The following CTNNA3 variants were observed in gnomAD, a reference collection of about 807,000 sequenced individuals.
CTNNA3 encodes the protein catenin alpha-3.
A neutral mutation model predicts 95.7 loss-of-function variants in CTNNA3; 76 were observed. The ratio of observed to expected loss-of-function variants is 0.79; its 90% CI spans 0.66 to 0.96. The LOEUF is 0.96. Among genes scored for constraint, CTNNA3 ranks in the 40% least tolerant of loss-of-function variants. The pLI, the probability that CTNNA3 is intolerant of heterozygous loss-of-function variation, is 0.00. For missense variants in CTNNA3, 1,191 were observed against 1,089.8 expected, an observed-to-expected ratio of 1.09 and a Z score of -1.31; for synonymous variants, 431 against 374.4, an observed-to-expected ratio of 1.15 and a Z score of -1.74.
chr10:67,183,553 G>C (rs192834126), intron 6 of CTNNA3, among the ~76,000 whole-genome samples: 11,441 of 151,872 alleles, frequency 0.075, 502 homozygotes, highest in African/African-American at 0.15. Flanking sequence ...GTGGGAGGAG[G>C]GGGGAGGGAT....
intron 17 of CTNNA3, among the ~76,000 whole-genome samples, chr10:65,939,282 TA>T (rs2077391421): frequency 6.6e-6 from 1 of 152,210 alleles, no homozygotes; most frequent in African/African-American, 2.4e-5. Flanking sequence ...TTTTCCTAGT[TA>T]CTTAATGTTT....
intron 11 of CTNNA3, among the ~76,000 whole-genome samples, chr10:66,391,237 C>G (rs1251500208): frequency 1.3e-5 from 2 of 151,910 alleles, no homozygotes; most frequent in African/African-American, 4.8e-5. Flanking sequence ...TTGCTATTTA[C>G]AAGCCAATTA....
chr10:67,630,198 T>A (rs1174942355), intron 2 of CTNNA3, among the ~76,000 whole-genome samples: 1 of 152,162 alleles, frequency 6.6e-6, no homozygotes, highest in Non-Finnish European at 1.5e-5. Flanking sequence ...GGGAATGTAA[T>A]AGTTATTAAG....
intron 5 of CTNNA3, among the ~76,000 whole-genome samples, chr10:67,437,242 G>A (rs1010561532): frequency 3.9e-5 from 6 of 152,166 alleles, no homozygotes; most frequent in Admixed American, 3.9e-4. Context: ...AACATCATAT[G>A]TTCTCACTGA....
At chr10:66,560,780 G>T (rs1489674054) in intron 10 of CTNNA3, among the ~76,000 whole-genome samples, 1 of 151,856 alleles carries the variant, frequency 6.6e-6, no homozygotes, top group African/African-American at 2.4e-5. Flanking sequence ...GCATGAGGTT[G>T]GAGCCCTCAT....
At chr10:66,849,063 G>A (rs933037566) in intron 7 of CTNNA3, among the ~76,000 whole-genome samples, 2 of 152,156 alleles carry the variant, frequency 1.3e-5, no homozygotes, top group Non-Finnish European at 2.9e-5. Flanking sequence ...TTAAGGTCCT[G>A]CCATCTGTTC....
chr10:66,843,676 T>A (rs1429138228), intron 7 of CTNNA3, among the ~76,000 whole-genome samples: 2 of 152,146 alleles, frequency 1.3e-5, no homozygotes, highest in Non-Finnish European at 2.9e-5. Context: ...TTTGGGCATG[T>A]TTTTCAAATG....
chr10:67,217,640 T>C (rs1046911440), intron 6 of CTNNA3, among the ~76,000 whole-genome samples: 1 of 152,164 alleles, frequency 6.6e-6, no homozygotes, highest in African/African-American at 2.4e-5. Context: ...CCTGTGGCAG[T>C]CACTTTCAAC....
At chr10:66,444,972 G>C (rs1159817441) in intron 11 of CTNNA3, among the ~76,000 whole-genome samples, 1 of 151,986 alleles carries the variant, frequency 6.6e-6, no homozygotes, top group Non-Finnish European at 1.5e-5. Context: ...TAAAAGGATG[G>C]AGGAAGATCT....
At chr10:66,563,911 T>G (rs1326373430) in intron 10 of CTNNA3, among the ~76,000 whole-genome samples, 1 of 152,072 alleles carries the variant, frequency 6.6e-6, no homozygotes, top group Admixed American at 6.6e-5. Flanking sequence ...CCTCCCCACT[T>G]TGAGTTATCC....
At chr10:67,151,222 C>T (rs936009241) in intron 7 of CTNNA3, among the ~76,000 whole-genome samples, 2 of 152,002 alleles carry the variant, frequency 1.3e-5, no homozygotes, top group Non-Finnish European at 2.9e-5. Flanking sequence ...GAATACAGAA[C>T]ATTAAAGAGA....
At chr10:66,353,521 C>T (rs1315129599) in intron 12 of CTNNA3, among the ~76,000 whole-genome samples, 1 of 151,978 alleles carries the variant, frequency 6.6e-6, no homozygotes. Flanking sequence ...ATAGCTTTTG[C>T]CTGAGGGAGA....
intron 9 of CTNNA3, among the ~76,000 whole-genome samples, chr10:66,645,325 TTA>T (rs1440653627): frequency 1.3e-5 from 2 of 151,288 alleles, no homozygotes; most frequent in Non-Finnish European, 2.9e-5. Flanking sequence ...CATTTTGTAT[TTA>T]TATTATAATT....
chr10:67,234,648 G>C (rs1441402514), intron 5 of CTNNA3, among the ~76,000 whole-genome samples: 1 of 151,784 alleles, frequency 6.6e-6, no homozygotes, highest in Non-Finnish European at 1.5e-5. Flanking sequence ...ACATAGTGTT[G>C]GAAGTTCTGG....
intron 15 of CTNNA3, among the ~76,000 whole-genome samples, chr10:66,066,094 C>A (rs999150585): frequency 6.6e-6 from 1 of 152,018 alleles, no homozygotes; most frequent in Non-Finnish European, 1.5e-5. Flanking sequence ...AACTCCCAAC[C>A]TCTGGTGACC....
rs763420644 is a variant in CTNNA3, at chr10:66,927,786, C to A, written c.1048-152262G>T. On this transcript the variant is annotated intron_variant, in intron 7 of 17. Transcript: ENST00000433211. The surrounding 1 kb of genome is among the most constrained non-coding windows in gnomAD (Gnocchi z 4.7). ...GCCTCAACCTGGATTCCAACAAGCTCACATTTATTGGTCAAGAGATTTTGG... is the reference window on the plus strand; with the variant it reads ...GCCTCAACCTGGATTCCAACAAGCTAACATTTATTGGTCAAGAGATTTTGG... 8 of 1,614,060 alleles carry A rather than the reference C, an allele frequency of 5.0e-6. No homozygotes were observed. In the Admixed American group the frequency reaches 1.3e-4, roughly 27 times the overall value.
chr10:67,237,739 A>G (rs531005561), intron 5 of CTNNA3, among the ~76,000 whole-genome samples: 3 of 152,150 alleles, frequency 2.0e-5, no homozygotes, highest in Admixed American at 6.5e-5. Context: ...TCCAGCAGAA[A>G]AAGGTAGGCA....
intron 7 of CTNNA3, among the ~76,000 whole-genome samples, chr10:67,081,439 G>A (rs1343600814): frequency 2.6e-5 from 4 of 152,146 alleles, no homozygotes; most frequent in Non-Finnish European, 4.4e-5. Flanking sequence ...CAACAAAACT[G>A]TAAGATGCAG....
chr10:67,152,545 A>G (rs1460508406), intron 7 of CTNNA3, among the ~76,000 whole-genome samples: 1 of 152,214 alleles, frequency 6.6e-6, no homozygotes, highest in Non-Finnish European at 1.5e-5. Flanking sequence ...ATGACAAAGA[A>G]TTCTAAAGCT....
Sources: gnomAD v4.1 joint callset for allele counts (sites outside exome capture counted in the v4.1 genomes callset) on GRCh38, gnomAD v4.1.1 for gene constraint, Gnocchi (gnomAD v3.1) non-coding constraint, MANE v1.5 for transcripts, NCBI Gene and HGNC (gene_info 2026-07-23, HGNC 2026-07-21) for gene names.